The following CMKLR2 variants were observed in gnomAD, a reference collection of about 807,000 sequenced individuals.
The protein encoded by CMKLR2 is chemerin-like receptor 2.
A neutral mutation model predicts 23.0 loss-of-function variants in CMKLR2; 18 were observed. That is an observed-to-expected ratio of 0.78 (90% CI 0.54 to 1.16). The LOEUF is 1.16. CMKLR2 is among the 50% of genes most tolerant of loss of function. CMKLR2 has a pLI of 0.00. For synonymous variants in CMKLR2, 158 were observed against 158.9 expected, an observed-to-expected ratio of 0.99 and a Z score of 0.05; for missense variants, 401 against 412.7, an observed-to-expected ratio of 0.97 and a Z score of 0.25.
At chr2:206,191,508 C>A (rs964778889) in intron 1 of CMKLR2, among the ~76,000 whole-genome samples, 3 of 152,198 alleles carry the variant, frequency 2.0e-5, no homozygotes, top group South Asian at 2.1e-4. Context: ...AATACTGAAT[C>A]TGCATGGAGT....
At chr2:206,216,471 A>G (rs62195405), upstream of CMKLR2, among the ~76,000 whole-genome samples, 84,068 of 152,022 alleles carry the variant, frequency 0.55, 24,160 homozygotes, top group Admixed American at 0.66. Context: ...AAATAGAGAC[A>G]GGGTCTCACT....
chr2:206,185,890 C>G (rs79899474), intron 1 of CMKLR2, among the ~76,000 whole-genome samples: 15,527 of 152,126 alleles, frequency 0.1, 942 homozygotes, highest in Admixed American at 0.2. Flanking sequence ...CTTTCCTCCT[C>G]TTCTCATGGG....
rs34520665 is a variant in CMKLR2, at chr2:206,181,951, CAAAAAAAAAAAAA to C, written c.-28-4689_-28-4677del. ...GGGTAACAAGAGCAAAACTCCACCT[CAAAAAAAAAAAAA>C]AAAAAAAAAGGAAACCATAAGGAAG... On this transcript the variant is annotated intron_variant, in intron 1 of 1. Transcript: ENST00000621141. Among the ~76,000 whole-genome samples the C allele has an allele frequency of 4.4e-5, 3 of 68,590 alleles. No homozygotes were observed. The Admixed American group carries it at 5.6e-4, about 13-fold the overall frequency. 45.0% of individuals were successfully genotyped at this position (68,590 alleles called of 152,430 possible). A position where few individuals can be genotyped will look rare whatever the true frequency, so the allele number is the denominator to read the frequency against.
intron 1 of CMKLR2, among the ~76,000 whole-genome samples, chr2:206,192,958 A>T (rs1688800349): frequency 6.6e-6 from 1 of 152,228 alleles, no homozygotes; most frequent in Admixed American, 6.5e-5. Context: ...ATACAATGTA[A>T]ATGCTATAAA....
upstream of CMKLR2, among the ~76,000 whole-genome samples, chr2:206,216,453 C>T (rs1046112761): frequency 6.6e-6 from 1 of 152,052 alleles, no homozygotes; most frequent in East Asian, 1.9e-4. Context: ...GACTCCATCT[C>T]GAAATAAAAA....
At chr2:206,208,236 T>A (rs751782256) in intron 1 of CMKLR2, among the ~76,000 whole-genome samples, 7 of 152,164 alleles carry the variant, frequency 4.6e-5, no homozygotes, top group Non-Finnish European at 8.8e-5. Flanking sequence ...GCTTCCTCAA[T>A]CAACAAAACT....
intron 1 of CMKLR2, among the ~76,000 whole-genome samples, chr2:206,192,316 T>C (rs1034609569): frequency 6.7e-6 from 1 of 149,348 alleles, no homozygotes; most frequent in African/African-American, 2.4e-5. Context: ...ATTTTTTTTT[T>C]ATTTTTTATT....
intron 1 of CMKLR2, among the ~76,000 whole-genome samples, chr2:206,202,546 A>C (rs1430618603): frequency 6.6e-6 from 1 of 152,094 alleles, no homozygotes; most frequent in Non-Finnish European, 1.5e-5. Context: ...CTGCAGTTTC[A>C]ACCTCCTGGG....
rs774969231 is a variant in CMKLR2, at chr2:206,192,436, C to T, written c.-28-15161G>A. Among the ~76,000 whole-genome samples, 10 of 145,062 alleles carry T rather than the reference C, an allele frequency of 6.9e-5. No homozygotes were observed. In the East Asian group the frequency reaches 2.0e-3, roughly 29 times the overall value. On this transcript the variant is annotated intron_variant, in intron 1 of 1. Transcript: ENST00000621141. ...CTGTTTATTTGGTTGGACATGGTGGCTCATGTTTGAAATCCTAGCATTTTG... is the reference window on the plus strand; with the variant it reads ...CTGTTTATTTGGTTGGACATGGTGGTTCATGTTTGAAATCCTAGCATTTTG...
At chr2:206,187,065 G>T (rs1283978944) in intron 1 of CMKLR2, among the ~76,000 whole-genome samples, 3 of 152,080 alleles carry the variant, frequency 2.0e-5, no homozygotes, top group Non-Finnish European at 4.4e-5. Context: ...AGAGAATGAA[G>T]GCCAGGCCCA....
rs368645339 is a variant in CMKLR2 at position 206,184,954 on chromosome 2, G to A, written c.-28-7679C>T. Among the ~76,000 whole-genome samples the A allele has an allele frequency of 3.3e-5, 5 of 152,084 alleles. No individual in the cohort carries two copies. The East Asian group carries it at 9.6e-4, about 29-fold the overall frequency. ...TACAGAAAGATGAAAAAATTGAAAA[G>A]GATAAAGGGAATAGAAGGTGGTTTT... is the stretch of plus-strand genomic sequence containing the variant. On this transcript the variant is annotated intron_variant, in intron 1 of 1. Coordinates refer to ENST00000621141, the MANE Select transcript of CMKLR2 (RefSeq NM_001389445.1).
intron 1 of CMKLR2, among the ~76,000 whole-genome samples, chr2:206,196,834 A>G (rs1019966617): frequency 6.6e-6 from 1 of 152,198 alleles, no homozygotes; most frequent in Non-Finnish European, 1.5e-5. Context: ...CCAGATGTAA[A>G]CCAACTCTCA....
At chr2:206,191,104 G>A (rs974631588) in intron 1 of CMKLR2, among the ~76,000 whole-genome samples, 3 of 152,182 alleles carry the variant, frequency 2.0e-5, no homozygotes, top group Non-Finnish European at 2.9e-5. Flanking sequence ...TGGTCTATGG[G>A]TTGTAGAATT....
At chr2:206,210,082 G>A (rs1689496340) in intron 1 of CMKLR2, among the ~76,000 whole-genome samples, 1 of 151,500 alleles carries the variant, frequency 6.6e-6, no homozygotes, top group African/African-American at 2.4e-5. Flanking sequence ...TCGTGCCTCA[G>A]CCTCCCAAGT....
Position 206,177,239 on chromosome 2 carries a change from A to G in CMKLR2, c.9T>C (p.Asp3=). ME[D]LEETLFEEFE... ...ATTCTTCAAATAATGTTTCCTCCAA[A>G]TCTTCCATGACCTTGCTAAATGGAG... Residue 3 remains aspartate (D), a synonymous_variant, in exon 2 of 2, where the codon GAT becomes GAC. Coordinates refer to ENST00000621141, the MANE Select transcript of CMKLR2 (RefSeq NM_001389445.1). The G allele has an allele frequency of 1.9e-6, 3 of 1,590,568 alleles. No homozygotes were observed. The highest frequency in any genetic ancestry group is 1.1e-5 in the South Asian group (1 of 88,688).
chr2:206,197,465 A>G (rs1688958285), intron 1 of CMKLR2, among the ~76,000 whole-genome samples: 1 of 152,176 alleles, frequency 6.6e-6, no homozygotes, highest in South Asian at 2.1e-4. Context: ...GAGAGAAGAA[A>G]ATTAAACAGG....
At chr2:206,197,888 C>G (rs529586940) in intron 1 of CMKLR2, among the ~76,000 whole-genome samples, 20 of 152,276 alleles carry the variant, frequency 1.3e-4, no homozygotes, top group Admixed American at 7.8e-4. Flanking sequence ...TTAATTAAAA[C>G]AAATGACAGC....
intron 1 of CMKLR2, among the ~76,000 whole-genome samples, chr2:206,210,590 C>A (rs1028521740): frequency 2.0e-5 from 3 of 151,934 alleles, no homozygotes; most frequent in Non-Finnish European, 4.4e-5. Flanking sequence ...TCCCAAGTAG[C>A]TGGGGTTACA....
rs1194047981 is a variant in CMKLR2, at chr2:206,177,415, G to T, written c.-28-140C>A. On this transcript the variant is annotated intron_variant, in intron 1 of 1. Transcript: ENST00000621141. ...TATTTTTTCTTTTTTTTGAGACAGGGTCTCACTCTGTTGCCCAAGCTGGAG... is the reference window on the plus strand; with the variant it reads ...TATTTTTTCTTTTTTTTGAGACAGGTTCTCACTCTGTTGCCCAAGCTGGAG... 7.2e-6 allele frequency: 4 copies of T among 553,542 alleles called. No homozygotes were observed. In the East Asian group the frequency reaches 9.3e-5, roughly 13 times the overall value. The allele number at this position is 553,542 out of a possible 1,614,324, so 34.3% of individuals were successfully genotyped here. A position where few individuals can be genotyped will look rare whatever the true frequency, so the allele number is the denominator to read the frequency against.
Sources: allele counts gnomAD v4.1 joint callset (sites outside exome capture counted in the v4.1 genomes callset), GRCh38; gene constraint gnomAD v4.1.1; transcripts MANE v1.5; gene names NCBI Gene and HGNC (gene_info 2026-07-23, HGNC 2026-07-21).